ZNF705A: variants seen among roughly 807,000 people sequenced by gnomAD.
ZNF705A encodes the protein zinc finger protein 705A.
ZNF705A carries 8 observed loss-of-function variants against 16.6 expected under a neutral mutation model. The ratio of observed to expected loss-of-function variants is 0.48; its 90% CI spans 0.28 to 0.87. ZNF705A has a LOEUF of 0.87. ZNF705A is among the 40% of genes least tolerant of loss of function. The pLI is 0.10. For missense variants in ZNF705A, 233 were observed against 359.9 expected (o/e 0.65, Z 2.85); for synonymous variants, 73 against 117.3 (o/e 0.62, Z 2.44).
intron 3 of ZNF705A, 153 bp from the exon 5 acceptor site, chr12:8,175,707 A>G (rs994429216): frequency 8.8e-7 from 1 of 1,135,196 alleles, no homozygotes; most frequent in Admixed American, 2.5e-5. Flanking sequence ...GACACTGTAC[A>G]ATCTATTTCT....
chr12:8,173,922 G>A (rs1948464260), intron 1 of ZNF705A, among the ~76,000 whole-genome samples: 1 of 152,164 alleles, frequency 6.6e-6, no homozygotes, highest in Non-Finnish European at 1.5e-5. Flanking sequence ...TTTCATCACA[G>A]TCATGTTTAA....
rs181666731 is a variant in ZNF705A at position 8,164,388 on chromosome 12, C to A, written c.-72+7296C>A. Among the ~76,000 whole-genome samples, 998 of 152,262 alleles carry A rather than the reference C, an allele frequency of 6.6e-3. 8 individuals are homozygous for A. Among genetic ancestry groups the A allele is most frequent in the African/African-American group, 0.019 (795 of 41,540 alleles). ...CATATAACATAATGCCCTCCAAGTC[C>A]ATCCATGTTGTCACAAATGACAGGG... On this transcript the variant is annotated intron_variant, in intron 1 of 5. Coordinates refer to the ZNF705A transcript ENST00000396570.
At chr12:8,157,050 G>A (rs895833117) in exon 1 of ZNF705A, 1 of 397,914 alleles carries the variant, frequency 2.5e-6, no homozygotes, top group African/African-American at 2.1e-5. Context: ...AAAATTGCAA[G>A]GGGTTTTTCC....
At chr12:8,162,002 A>T (rs1948359925) in intron 1 of ZNF705A, among the ~76,000 whole-genome samples, 1 of 152,180 alleles carries the variant, frequency 6.6e-6, no homozygotes, top group African/African-American at 2.4e-5. Context: ...TGAATCAAGA[A>T]TTTTAAAATA....
chr12:8,179,595 T>A (rs1381782595), exon 5 of ZNF705A: 2 of 152,170 alleles, frequency 1.3e-5, no homozygotes, highest in Non-Finnish European at 2.9e-5. Flanking sequence ...TATCCGTGGT[T>A]GAAGTTGACA....
intron 1 of ZNF705A, among the ~76,000 whole-genome samples, chr12:8,159,011 T>C (rs1948332423): frequency 6.6e-6 from 1 of 152,142 alleles, no homozygotes; most frequent in African/African-American, 2.4e-5. Context: ...ATCATTCTTA[T>C]GCCTTGTGTC....
At chr12:8,166,236 G>A (rs772813409) in intron 1 of ZNF705A, among the ~76,000 whole-genome samples, 1 of 152,138 alleles carries the variant, frequency 6.6e-6, no homozygotes, top group East Asian at 1.9e-4. Flanking sequence ...GTAGACATTC[G>A]CCATGAAGTC....
At chr12:8,179,930 T>G (rs1460715766) in exon 5 of ZNF705A, 1 of 152,202 alleles carries the variant, frequency 6.6e-6, no homozygotes, top group Non-Finnish European at 1.5e-5. Context: ...CACAGAATGC[T>G]TCTCTTATTC....
chr12:8,163,075 G>C (rs753120449), intron 1 of ZNF705A, among the ~76,000 whole-genome samples: 1 of 152,272 alleles, frequency 6.6e-6, no homozygotes, highest in South Asian at 2.1e-4. Flanking sequence ...AACAGCGAAA[G>C]ACCACCGCAC....
At chr12:8,167,562 C>T (rs1414101414), upstream of ZNF705A, among the ~76,000 whole-genome samples, 1 of 152,146 alleles carries the variant, frequency 6.6e-6, no homozygotes, top group Admixed American at 6.5e-5. Flanking sequence ...GAAAGAGAGT[C>T]TTGCTGCTTG....
At chr12:8,165,844 A>AGCTT (rs1486607969) in intron 1 of ZNF705A, among the ~76,000 whole-genome samples, 4 of 152,154 alleles carry the variant, frequency 2.6e-5, no homozygotes, top group Admixed American at 6.5e-5. Flanking sequence ...GGTGCAAAGG[A>AGCTT]CATAATTTTT....
intron 3 of ZNF705A, among the ~76,000 whole-genome samples, chr12:8,175,567 G>A (rs1341363845): frequency 6.6e-6 from 1 of 152,040 alleles, no homozygotes; most frequent in Non-Finnish European, 1.5e-5. Flanking sequence ...CTTGGCTGGG[G>A]TTAAACTTTC....
chr12:8,162,047 C>T (rs894111843), intron 1 of ZNF705A, among the ~76,000 whole-genome samples: 2 of 152,130 alleles, frequency 1.3e-5, no homozygotes, highest in African/African-American at 2.4e-5. Context: ...TGATTTAGCC[C>T]TAACCACTGA....
At chr12:8,163,379 A>G (rs1948373015) in intron 1 of ZNF705A, among the ~76,000 whole-genome samples, 2 of 152,172 alleles carry the variant, frequency 1.3e-5, no homozygotes, top group Admixed American at 6.5e-5. Context: ...GTCTACATCT[A>G]ATAAAACTCC....
chr12:8,161,002 G>C (rs1260133257), intron 1 of ZNF705A, among the ~76,000 whole-genome samples: 3 of 152,080 alleles, frequency 2.0e-5, no homozygotes, highest in Non-Finnish European at 4.4e-5. Context: ...TATGTCCCCT[G>C]TATGCGGATT....
At position 8,165,109 on chromosome 12, in the gene ZNF705A, C is replaced by T. The variant is rs1176454288; in HGVS notation, c.-71-7446C>T. 3.3e-5 allele frequency among the ~76,000 whole-genome samples: 5 copies of T among 152,116 alleles called. 1 individual carries two copies. The highest frequency in any genetic ancestry group is 6.6e-5 in the Admixed American group (1 of 15,266). ...GGTTTTCTCCACATCCTCACTAATA[C>T]TTGTTATACATCTTTTTGATAATAG... is the stretch of plus-strand genomic sequence containing the variant. On this transcript the variant is annotated intron_variant, in intron 1 of 5. Transcript: ENST00000396570.
chr12:8,160,043 G>A (rs771334699), intron 1 of ZNF705A, among the ~76,000 whole-genome samples: 1 of 152,122 alleles, frequency 6.6e-6, no homozygotes, highest in Admixed American at 6.5e-5. Context: ...CCTACATGTG[G>A]CTAGCCAATT....
At chr12:8,163,703 T>C (rs780284637) in intron 1 of ZNF705A, among the ~76,000 whole-genome samples, 2 of 152,366 alleles carry the variant, frequency 1.3e-5, no homozygotes, top group South Asian at 4.1e-4. Context: ...CCATGGCTAG[T>C]ACAGATACCT....
chr12:8,170,185 C>T (rs1386205156), upstream of ZNF705A, among the ~76,000 whole-genome samples: 1 of 76,882 alleles, frequency 1.3e-5, no homozygotes, highest in African/African-American at 1.2e-4. Context: ...GCGAAACTCT[C>T]CCCCCCCCCC....
Sources: allele counts gnomAD v4.1 joint callset (sites outside exome capture counted in the v4.1 genomes callset), GRCh38; gene constraint gnomAD v4.1.1; transcripts MANE v1.5; gene names NCBI Gene and HGNC (gene_info 2026-07-23, HGNC 2026-07-21).